Variants in PHF14 observed in about 807,000 individuals in gnomAD.
PHF14 encodes the protein PHD finger protein 14.
In PHF14, 55 loss-of-function variants were observed where a neutral mutation model predicts 117.9. The ratio of observed to expected loss-of-function variants is 0.47; its 90% CI spans 0.38 to 0.58. PHF14 has a LOEUF of 0.58. PHF14 is among the 20% of genes least tolerant of loss of function. The probability of loss-of-function intolerance (pLI) is 0.00; values close to 1 mark genes in which losing one functional copy is unlikely to be tolerated. For synonymous variants in PHF14, 409 were observed against 368.6 expected, an observed-to-expected ratio of 1.11 and a Z score of -1.26; for missense variants, 978 against 1,122.2, an observed-to-expected ratio of 0.87 and a Z score of 1.84.
chr7:10,988,456 A>C (rs1474995694), intron 3 of PHF14, among the ~76,000 whole-genome samples: 3 of 151,840 alleles, frequency 2.0e-5, no homozygotes, highest in Non-Finnish European at 4.4e-5. Context: ...CCACCAGAGA[A>C]ATTACCACAC....
intron 17 of PHF14, among the ~76,000 whole-genome samples, chr7:11,111,908 TA>T (rs59702121): frequency 6.8e-6 from 1 of 148,032 alleles, no homozygotes. Context: ...TCTGTTCCTT[TA>T]AAAAAAAAAC....
At chr7:10,991,866 G>C (rs1441905678) in intron 4 of PHF14, among the ~76,000 whole-genome samples, 2 of 143,054 alleles carry the variant, frequency 1.4e-5, no homozygotes, top group Non-Finnish European at 3.0e-5. Context: ...TCAAAGTGCT[G>C]AGATTACAGG....
At chr7:10,980,255 C>A (rs1332853037) in intron 2 of PHF14, among the ~76,000 whole-genome samples, 1 of 152,034 alleles carries the variant, frequency 6.6e-6, no homozygotes, top group Non-Finnish European at 1.5e-5. Flanking sequence ...GAAGGTTGAT[C>A]CAGAAGAAAA....
intron 17 of PHF14, among the ~76,000 whole-genome samples, chr7:11,153,175 A>C (rs993323711): frequency 6.6e-6 from 1 of 152,228 alleles, no homozygotes; most frequent in African/African-American, 2.4e-5. Context: ...TTAGGAAGCT[A>C]TTGGATTAAT....
intron 16 of PHF14, chr7:11,105,360 T>C (rs1365039067): frequency 1.7e-5 from 16 of 948,572 alleles, no homozygotes; most frequent in Non-Finnish European, 2.0e-5. Context: ...TGTATTCACA[T>C]CCTATTAATG....
intron 6 of PHF14, among the ~76,000 whole-genome samples, chr7:11,023,390 C>T (rs116119580): frequency 4.3e-4 from 66 of 152,238 alleles, no homozygotes; most frequent in African/African-American, 1.5e-3. Flanking sequence ...TGTTTTGGGG[C>T]GTGCCGTTAA....
rs568373924 is a variant in PHF14 at position 11,150,823 on chromosome 7, T to G, written c.2773-18593T>G. 5.9e-5 allele frequency among the ~76,000 whole-genome samples: 9 copies of G among 152,324 alleles called. No individual in the cohort carries two copies. The South Asian group carries it at 1.9e-3, about 32-fold the overall frequency. ...CTACTTAGATTCTAAGAGTTCAGAC[T>G]GGTATCAAAGTCTCAAATGTCTACT... On this transcript the variant is annotated intron_variant, in intron 17 of 17. Coordinates refer to ENST00000634607, the MANE Select transcript of PHF14 (RefSeq NM_001007157.2).
In PHF14 at chr7:11,134,360, T is replaced by C. The variant is rs116064302; in HGVS notation, c.2772+22893T>C. 7.9e-3 allele frequency among the ~76,000 whole-genome samples: 1,204 copies of C among 152,110 alleles called. 11 individuals carry two copies. The highest frequency in any genetic ancestry group is 0.028 in the African/African-American group (1,147 of 41,536). ...GGACCTGAAATATCATTTAGAGAGA[T>C]TTGCAAACTTTTTAAACAAAAGATT... is the stretch of plus-strand genomic sequence containing the variant. On this transcript the variant is annotated intron_variant, in intron 17 of 17. Transcript: ENST00000634607.
intron 4 of PHF14, among the ~76,000 whole-genome samples, chr7:10,999,413 C>T (rs1283294037): frequency 6.6e-6 from 1 of 152,182 alleles, no homozygotes; most frequent in Non-Finnish European, 1.5e-5. Context: ...CAATGTCTCA[C>T]ATCTATAATA....
At chr7:11,090,772 G>T (rs1214321050) in intron 16 of PHF14, among the ~76,000 whole-genome samples, 1 of 152,148 alleles carries the variant, frequency 6.6e-6, no homozygotes, top group Non-Finnish European at 1.5e-5. Flanking sequence ...TATGTAGAGG[G>T]TTTATAAGAG....
intron 5 of PHF14, among the ~76,000 whole-genome samples, chr7:11,021,347 C>T (rs3801434): frequency 0.013 from 1,926 of 152,130 alleles, 42 homozygotes; most frequent in East Asian, 0.1. Context: ...AAATAATGTG[C>T]ATCTAAACAG....
At chr7:11,031,840 C>T (rs1013793700) in intron 7 of PHF14, among the ~76,000 whole-genome samples, 22 of 152,160 alleles carry the variant, frequency 1.4e-4, no homozygotes, top group African/African-American at 5.1e-4. Flanking sequence ...CTATGTTTTA[C>T]ATTATATAGT....
chr7:11,101,466 C>G (rs773978865), intron 16 of PHF14, among the ~76,000 whole-genome samples: 1 of 151,828 alleles, frequency 6.6e-6, no homozygotes, highest in Non-Finnish European at 1.5e-5. Flanking sequence ...GACTGAAGCA[C>G]TGAAAAAAGT....
At chr7:11,020,602 C>T (rs1412740714) in intron 5 of PHF14, among the ~76,000 whole-genome samples, 1 of 152,122 alleles carries the variant, frequency 6.6e-6, no homozygotes, top group Non-Finnish European at 1.5e-5. Context: ...TGGTCTCAAA[C>T]TCCTGAGCTT....
intron 17 of PHF14, among the ~76,000 whole-genome samples, chr7:11,153,316 G>C (rs1369064187): frequency 6.6e-6 from 1 of 152,050 alleles, no homozygotes; most frequent in African/African-American, 2.4e-5. Flanking sequence ...AGAAAGGAAG[G>C]AATTAAGGAA....
chr7:11,168,224 A>G lies in PHF14; in HGVS notation c.2773-1192A>G, dbSNP rs530745415. On this transcript the variant is annotated intron_variant, in intron 17 of 17. Transcript: ENST00000634607. ...TTGCCAAAATGATATTCAAAACCCCATTCCTGGTGTTCTACATATCTATAA... is the reference window on the plus strand; with the variant it reads ...TTGCCAAAATGATATTCAAAACCCCGTTCCTGGTGTTCTACATATCTATAA... Among the ~76,000 whole-genome samples, 3 of 152,296 alleles carry G rather than the reference A, an allele frequency of 2.0e-5. No homozygotes were observed. The East Asian group carries it at 5.8e-4, about 29-fold the overall frequency.
chr7:10,976,453 A>G (rs562131569), intron 2 of PHF14, among the ~76,000 whole-genome samples: 42 of 152,306 alleles, frequency 2.8e-4, no homozygotes, highest in South Asian at 1.9e-3. Context: ...TTTGACAAAC[A>G]TAGTTGGGTC....
intron 17 of PHF14, among the ~76,000 whole-genome samples, chr7:11,133,246 A>G (rs982949621): frequency 1.3e-5 from 2 of 151,852 alleles, no homozygotes; most frequent in Admixed American, 1.3e-4. Context: ...AGAATAGCCA[A>G]CATAATATTA....
chr7:11,075,716 A>G (rs1005187030), intron 16 of PHF14, among the ~76,000 whole-genome samples: 4 of 152,090 alleles, frequency 2.6e-5, no homozygotes, highest in African/African-American at 7.2e-5. Context: ...AACTATATCA[A>G]TATGTATCAG....
Sources: gnomAD v4.1 joint callset for allele counts (sites outside exome capture counted in the v4.1 genomes callset) on GRCh38, gnomAD v4.1.1 for gene constraint, MANE v1.5 for transcripts, NCBI Gene and HGNC (gene_info 2026-07-23, HGNC 2026-07-21) for gene names.